Variants in TSPAN9 observed in about 807,000 individuals in gnomAD.
TSPAN9 encodes tetraspanin 9.
In TSPAN9, 16 loss-of-function variants were observed where a neutral mutation model predicts 31.0. The observed-to-expected ratio is 0.52, with a 90% CI of 0.35 to 0.78. The LOEUF (loss-of-function observed/expected upper bound fraction) is 0.78. Among genes scored for constraint, TSPAN9 ranks in the 30% least tolerant of loss-of-function variants. The probability of loss-of-function intolerance (pLI) is 0.01; values close to 1 mark genes in which losing one functional copy is unlikely to be tolerated. For missense variants in TSPAN9, 272 were observed against 312.5 expected (o/e 0.87, Z 0.98); for synonymous variants, 145 against 121.6 (o/e 1.19, Z -1.27).
chr12:3,241,628 C>T (rs918250032), intron 3 of TSPAN9, among the ~76,000 whole-genome samples: 10 of 152,344 alleles, frequency 6.6e-5, no homozygotes, highest in African/African-American at 1.9e-4. Flanking sequence ...CTTCTGGGCT[C>T]GTTTCTTCCC....
intron 2 of TSPAN9, among the ~76,000 whole-genome samples, chr12:3,093,424 A>G (rs1211968049): frequency 6.6e-6 from 1 of 152,138 alleles, no homozygotes; most frequent in Non-Finnish European, 1.5e-5. Context: ...GCTCACCCAT[A>G]AAAGCTGGTG....
At chr12:3,116,754 C>G (rs757528107) in intron 2 of TSPAN9, among the ~76,000 whole-genome samples, 7 of 152,184 alleles carry the variant, frequency 4.6e-5, no homozygotes, top group Non-Finnish European at 8.8e-5. Context: ...CCCGGGAGCG[C>G]GCGCCTGCCC....
At chr12:3,154,010 ATGTGTG>A (rs56928697) in intron 2 of TSPAN9, among the ~76,000 whole-genome samples, 6,222 of 147,874 alleles carry the variant, frequency 0.042, 161 homozygotes, top group Middle Eastern at 0.063. Context: ...TTATATATAT[ATGTGTG>A]TGTGTGTGTG....
At chr12:3,165,298 A>C (rs915409729) in intron 2 of TSPAN9, among the ~76,000 whole-genome samples, 11 of 152,198 alleles carry the variant, frequency 7.2e-5, no homozygotes, top group African/African-American at 2.2e-4. Flanking sequence ...CCCACTGCTC[A>C]TCCTCTCTGT....
intron 2 of TSPAN9, among the ~76,000 whole-genome samples, chr12:3,096,170 T>C (rs1001120729): frequency 1.4e-4 from 22 of 152,176 alleles, no homozygotes; most frequent in African/African-American, 5.1e-4. Context: ...ATCAATAATC[T>C]TTAATACAGT....
intron 2 of TSPAN9, among the ~76,000 whole-genome samples, chr12:3,182,948 C>G (rs887611557): frequency 4.6e-5 from 7 of 152,226 alleles, no homozygotes; most frequent in Admixed American, 2.6e-4. Flanking sequence ...TGGTCGGAGA[C>G]AGATGCCCGA....
At chr12:3,230,356 T>C (rs1591692604) in intron 3 of TSPAN9, among the ~76,000 whole-genome samples, 1 of 152,174 alleles carries the variant, frequency 6.6e-6, no homozygotes, top group Admixed American at 6.5e-5. Context: ...TCCTGAGGCA[T>C]AGTCTCACAG....
chr12:3,249,923 A>C (rs1369342919), intron 3 of TSPAN9, among the ~76,000 whole-genome samples: 2 of 152,238 alleles, frequency 1.3e-5, no homozygotes, highest in African/African-American at 2.4e-5. Flanking sequence ...GCACAAGGGC[A>C]GTGCTGGCTT....
chr12:3,165,821 A>G (rs1044056984), intron 2 of TSPAN9, among the ~76,000 whole-genome samples: 1 of 152,166 alleles, frequency 6.6e-6, no homozygotes, highest in Non-Finnish European at 1.5e-5. Context: ...CTGCTGCATC[A>G]TTGGAGTTGC....
intron 2 of TSPAN9, among the ~76,000 whole-genome samples, chr12:3,102,594 C>T (rs1223922161): frequency 1.3e-5 from 2 of 151,948 alleles, no homozygotes; most frequent in East Asian, 1.9e-4. Context: ...CCCGCCACCA[C>T]GCCCGGCTAA....
intron 3 of TSPAN9, among the ~76,000 whole-genome samples, chr12:3,239,776 A>G (rs2098395623): frequency 6.6e-6 from 1 of 152,110 alleles, no homozygotes; most frequent in Non-Finnish European, 1.5e-5. Flanking sequence ...AGCTTCCGAC[A>G]GGGTCCTGAT....
intron 2 of TSPAN9, among the ~76,000 whole-genome samples, chr12:3,084,771 G>A (rs1439062617): frequency 2.0e-5 from 3 of 152,260 alleles, no homozygotes; most frequent in African/African-American, 4.8e-5. Flanking sequence ...AGCGGCAGCA[G>A]GTAAGGCCCA....
chr12:3,263,344 C>T (rs968196168), intron 3 of TSPAN9, among the ~76,000 whole-genome samples: 5 of 152,164 alleles, frequency 3.3e-5, no homozygotes, highest in South Asian at 2.1e-4. Context: ...GTCAGTGAGC[C>T]GTGTTGTTTG....
intron 3 of TSPAN9, among the ~76,000 whole-genome samples, chr12:3,230,403 G>T (rs550699255): frequency 6.6e-6 from 1 of 152,128 alleles, no homozygotes; most frequent in East Asian, 1.9e-4. Context: ...TGACTCCCCT[G>T]CCTGCATCTC....
chr12:3,082,962 C>G (rs775125104), intron 1 of TSPAN9, among the ~76,000 whole-genome samples: 2 of 152,242 alleles, frequency 1.3e-5, no homozygotes, highest in Non-Finnish European at 2.9e-5. Context: ...CTTGCACTTT[C>G]TGGCATCCCA....
At position 3,237,902 on chromosome 12, in the gene TSPAN9, T is replaced by G. The variant is rs146297770; in HGVS notation, c.63+36646T>G. On this transcript the variant is annotated intron_variant, in intron 3 of 8. Transcript: ENST00000011898. Reference sequence around the variant, plus strand: ...GGTGTGAATTTTGCAAACAACCTTCTTAATCATGTTTATGAACTCAGCATA... The same window carrying G: ...GGTGTGAATTTTGCAAACAACCTTCGTAATCATGTTTATGAACTCAGCATA... 6.4e-3 allele frequency among the ~76,000 whole-genome samples: 981 copies of G among 152,308 alleles called. 12 individuals are homozygous for G. The highest frequency in any genetic ancestry group is 0.022 in the African/African-American group (918 of 41,564).
At chr12:3,166,709 C>G (rs2098348603) in intron 2 of TSPAN9, among the ~76,000 whole-genome samples, 1 of 152,224 alleles carries the variant, frequency 6.6e-6, no homozygotes, top group Non-Finnish European at 1.5e-5. Flanking sequence ...GCACATCACC[C>G]CCATTCCCCT....
At chr12:3,254,207 C>T (rs1862305268) in intron 3 of TSPAN9, among the ~76,000 whole-genome samples, 1 of 152,234 alleles carries the variant, frequency 6.6e-6, no homozygotes, top group African/African-American at 2.4e-5. Flanking sequence ...GCCCATGCCT[C>T]TGTGAGGCCC....
At chr12:3,144,925 G>C (rs1341751148) in intron 2 of TSPAN9, among the ~76,000 whole-genome samples, 2 of 152,216 alleles carry the variant, frequency 1.3e-5, no homozygotes, top group Non-Finnish European at 2.9e-5. Flanking sequence ...TATTCCCCCA[G>C]ACCTTTATGT....
Sources: allele counts gnomAD v4.1 joint callset (sites outside exome capture counted in the v4.1 genomes callset), GRCh38; gene constraint gnomAD v4.1.1; transcripts MANE v1.5; gene names NCBI Gene and HGNC (gene_info 2026-07-23, HGNC 2026-07-21).